Variants in CHD2 observed in about 807,000 individuals in gnomAD.
CHD2 encodes the protein chromodomain helicase DNA binding protein 2.
In CHD2, 28 loss-of-function variants were observed where a neutral mutation model predicts 243.9. The ratio of observed to expected loss-of-function variants is 0.11; its 90% confidence interval spans 0.09 to 0.16. The LOEUF (loss-of-function observed/expected upper bound fraction) is 0.16, where lower values mean the gene tolerates loss of function less well. Ranked by LOEUF, CHD2 falls within the 10% of genes least tolerant of loss-of-function variation. CHD2 has a pLI of 1.00. For missense variants in CHD2, 1,386 were observed against 2,209.8 expected (o/e 0.63, Z 7.47); for synonymous variants, 775 against 779.0 (o/e 0.99, Z 0.09).
chr15:92,984,542 T>C, intron 25 of CHD2, 42 bp downstream of exon 25: 1 of 1,553,038 alleles, frequency 6.4e-7, no homozygotes, highest in Non-Finnish European at 8.7e-7. Context: ...TTTCTTATGT[T>C]GTGAATGCTA....
At chr15:92,930,363 G>T (rs1257163493) in intron 5 of CHD2, among the ~76,000 whole-genome samples, 1 of 152,108 alleles carries the variant, frequency 6.6e-6, no homozygotes, top group Non-Finnish European at 1.5e-5. Context: ...GCAGAAGCCA[G>T]CGTTTTTTTC....
At chr15:93,019,894 CT>C (rs1181363207) in intron 37 of CHD2, 117 bp from the exon 38 acceptor site, 13 of 1,238,166 alleles carry the variant, frequency 1.0e-5, no homozygotes, top group Non-Finnish European at 1.4e-5. Context: ...GATCGTGCCA[CT>C]GCACTCCAGC....
intron 23 of CHD2, 79 bp from the exon 24 acceptor site, chr15:92,981,286 A>C (rs1441593209): frequency 9.7e-6 from 9 of 930,404 alleles, no homozygotes; most frequent in East Asian, 5.2e-5. Context: ...ATTTTTAGTA[A>C]ATACGAATAA....
intron 2 of CHD2, among the ~76,000 whole-genome samples, chr15:92,922,182 A>C (rs2141740399): frequency 6.6e-6 from 1 of 152,220 alleles, no homozygotes; most frequent in African/African-American, 2.4e-5. Context: ...TTAGATCCAC[A>C]CTTGGATTGG....
intron 31 of CHD2, among the ~76,000 whole-genome samples, chr15:92,999,107 A>T (rs2054222221): frequency 6.6e-6 from 1 of 151,366 alleles, no homozygotes; most frequent in Admixed American, 6.6e-5. Flanking sequence ...AAAAAAAAAA[A>T]AAAAAAAAAA....
chr15:92,940,843 T>TATATATAA lies in CHD2; in HGVS notation c.693-961_693-954dup, dbSNP rs1203905578. 3.6e-5 allele frequency among the ~76,000 whole-genome samples: 5 copies of TATATATAA among 137,766 alleles called. 1 individual carries two copies. The highest frequency in any genetic ancestry group is 3.0e-4 in the Admixed American group (4 of 13,134). The allele number at this position is 137,766 out of a possible 152,430, so 90.4% of individuals were successfully genotyped here. A position where few individuals can be genotyped will look rare whatever the true frequency, so the allele number is the denominator to read the frequency against. On this transcript the variant is annotated intron_variant, in intron 7 of 38. Coordinates refer to ENST00000394196, the MANE Select transcript of CHD2 (RefSeq NM_001271.4). ...TATAAATATTATAAATATATAAAAA[T>TATATATAA]ATATATAAATATATAAATATATAAA... is the stretch of plus-strand genomic sequence containing the variant.
chr15:92,951,373 G>T (rs1449416143), intron 13 of CHD2, among the ~76,000 whole-genome samples: 2 of 152,098 alleles, frequency 1.3e-5, no homozygotes, highest in African/African-American at 4.8e-5. Flanking sequence ...GTTTCACCAT[G>T]TTGGCCAAGC....
intron 8 of CHD2, among the ~76,000 whole-genome samples, chr15:92,942,314 A>G (rs964356899): frequency 6.6e-6 from 1 of 152,180 alleles, no homozygotes; most frequent in Non-Finnish European, 1.5e-5. Context: ...ATTTTTAAAT[A>G]TCTAATTTAG....
chr15:92,905,145 CAG>C (rs2052596707), intron 2 of CHD2: 1 of 725,438 alleles, frequency 1.4e-6, no homozygotes, highest in East Asian at 2.9e-5. Context: ...AAGTAAATGT[CAG>C]AAAACTACTC....
intron 2 of CHD2, among the ~76,000 whole-genome samples, chr15:92,915,855 ACATACC>A (rs2052824058): frequency 6.6e-6 from 1 of 152,176 alleles, no homozygotes; most frequent in Admixed American, 6.5e-5. Context: ...TAAAAATGCT[ACATACC>A]TCCCTAACAA....
intron 12 of CHD2, among the ~76,000 whole-genome samples, chr15:92,948,211 G>T (rs2141800626): frequency 6.6e-6 from 1 of 152,164 alleles, no homozygotes; most frequent in South Asian, 2.1e-4. Flanking sequence ...GCAATTAAAG[G>T]GTTTAAGGTA....
intron 2 of CHD2, among the ~76,000 whole-genome samples, chr15:92,911,316 C>T (rs1270296552): frequency 3.3e-5 from 5 of 152,232 alleles, no homozygotes; most frequent in Non-Finnish European, 7.4e-5. Flanking sequence ...ATATGCTTAT[C>T]GCTATTTGCT....
chr15:93,018,582 C>T (rs914501243), intron 37 of CHD2, among the ~76,000 whole-genome samples: 1 of 152,198 alleles, frequency 6.6e-6, no homozygotes, highest in Admixed American at 6.5e-5. Flanking sequence ...TGGCTTCAAA[C>T]ATCAAACATT....
chr15:92,928,260 C>T (rs1338782066), intron 4 of CHD2, among the ~76,000 whole-genome samples: 2 of 152,166 alleles, frequency 1.3e-5, no homozygotes, highest in African/African-American at 4.8e-5. Context: ...CATAGTGTCT[C>T]GCACTAGGTT....
intron 31 of CHD2, among the ~76,000 whole-genome samples, chr15:92,999,605 T>C (rs1472000514): frequency 6.6e-6 from 1 of 152,210 alleles, no homozygotes; most frequent in East Asian, 1.9e-4. Context: ...CCCTGTATTA[T>C]TATAAGCAAA....
At chr15:92,960,963 A>G (rs571788851) in intron 16 of CHD2, among the ~76,000 whole-genome samples, 60 of 152,124 alleles carry the variant, frequency 3.9e-4, no homozygotes, top group South Asian at 2.3e-3. Flanking sequence ...AGTGATCTGC[A>G]TCTGCCTGTC....
intron 16 of CHD2, among the ~76,000 whole-genome samples, chr15:92,962,677 T>TG (rs2053706010): frequency 6.6e-6 from 1 of 152,166 alleles, no homozygotes; most frequent in South Asian, 2.1e-4. Context: ...ATGGTGTTGT[T>TG]CAAGACTTTT....
chr15:92,945,467 C>T (rs1447465477), intron 10 of CHD2: 3 of 152,496 alleles, frequency 2.0e-5, no homozygotes, highest in East Asian at 3.9e-4. Context: ...TCTCAGCTCA[C>T]TGCAACCTCT....
intron 28 of CHD2, among the ~76,000 whole-genome samples, chr15:92,996,232 T>A (rs1192075296): frequency 1.3e-5 from 2 of 149,610 alleles, no homozygotes; most frequent in Non-Finnish European, 3.0e-5. Context: ...TGATCTCGGC[T>A]CACTGCAAGC....
Sources: gnomAD v4.1 joint callset for allele counts (sites outside exome capture counted in the v4.1 genomes callset) on GRCh38, gnomAD v4.1.1 for gene constraint, MANE v1.5 for transcripts, NCBI Gene and HGNC (gene_info 2026-07-23, HGNC 2026-07-21) for gene names.